Variants in CDK14 observed in about 807,000 individuals in gnomAD.
CDK14 encodes cyclin-dependent kinase 14.
In CDK14, 34 loss-of-function variants were observed where a neutral mutation model predicts 60.7. The ratio of observed to expected loss-of-function variants is 0.56; its 90% CI spans 0.43 to 0.75. CDK14 has a LOEUF of 0.75. CDK14 is among the 30% of genes least tolerant of loss of function. CDK14 has a pLI of 0.00. For synonymous variants in CDK14, 197 were observed against 203.7 expected, an observed-to-expected ratio of 0.97 and a Z score of 0.28; for missense variants, 482 against 564.1, an observed-to-expected ratio of 0.85 and a Z score of 1.47.
intron 2 of CDK14, among the ~76,000 whole-genome samples, chr7:90,703,097 T>G (rs1801824283): frequency 6.6e-6 from 1 of 152,096 alleles, no homozygotes; most frequent in South Asian, 2.1e-4. Context: ...TTAAGCAGTT[T>G]TTTGATAGTC....
intron 10 of CDK14, among the ~76,000 whole-genome samples, chr7:91,013,715 T>A (rs2115831191): frequency 6.7e-6 from 1 of 150,056 alleles, no homozygotes; most frequent in Non-Finnish European, 1.5e-5. Context: ...TACCTTAAGT[T>A]AAGAAAGAGT....
intron 9 of CDK14, among the ~76,000 whole-genome samples, chr7:90,971,889 A>T (rs1021946419): frequency 6.6e-6 from 1 of 152,254 alleles, no homozygotes; most frequent in East Asian, 1.9e-4. Flanking sequence ...TTTATTGCTG[A>T]TGTAGATCCT....
At chr7:90,721,119 C>G (rs1040412363) in intron 2 of CDK14, among the ~76,000 whole-genome samples, 1 of 152,164 alleles carries the variant, frequency 6.6e-6, no homozygotes, top group Non-Finnish European at 1.5e-5. Flanking sequence ...TGCCCTTTAG[C>G]CTGTTGCATT....
chr7:91,195,650 C>T (rs1246700994), intron 14 of CDK14, among the ~76,000 whole-genome samples: 1 of 152,178 alleles, frequency 6.6e-6, no homozygotes, highest in African/African-American at 2.4e-5. Flanking sequence ...TTGCAGCAGT[C>T]ATTTGAAGAA....
At chr7:90,618,895 T>C (rs1322859572) in intron 2 of CDK14, among the ~76,000 whole-genome samples, 1 of 152,206 alleles carries the variant, frequency 6.6e-6, no homozygotes, top group African/African-American at 2.4e-5. Flanking sequence ...ATTTGTGCCT[T>C]ATTGTGTCTT....
intron 11 of CDK14, among the ~76,000 whole-genome samples, chr7:91,071,827 G>A (rs1033960159): frequency 1.4e-4 from 21 of 152,230 alleles, no homozygotes; most frequent in African/African-American, 4.8e-4. Context: ...TTCCCCTGCT[G>A]AAGCCAGGGA....
chr7:90,943,462 T>C (rs1016125303), intron 8 of CDK14, among the ~76,000 whole-genome samples: 1 of 152,200 alleles, frequency 6.6e-6, no homozygotes, highest in Admixed American at 6.5e-5. Context: ...CTTGAGGTTT[T>C]ATTTATCTAA....
chr7:90,826,753 G>T (rs1789737020), intron 5 of CDK14, among the ~76,000 whole-genome samples: 1 of 152,048 alleles, frequency 6.6e-6, no homozygotes, highest in Non-Finnish European at 1.5e-5. Flanking sequence ...TGGAGAAATT[G>T]AGTGTAAAGT....
intron 14 of CDK14, among the ~76,000 whole-genome samples, chr7:91,183,943 A>G (rs2249712): frequency 1 from 152,281 of 152,320 alleles, 76,121 homozygotes; most frequent in Middle Eastern, 1. Context: ...ACCAGTAATC[A>G]CAGCACTTTG....
At chr7:90,760,054 T>G (rs1243496379) in intron 4 of CDK14, among the ~76,000 whole-genome samples, 1 of 152,206 alleles carries the variant, frequency 6.6e-6, no homozygotes. Context: ...TGATTGAAAG[T>G]GCCAATCTTC....
chr7:90,686,153 A>C (rs771977122), intron 2 of CDK14, among the ~76,000 whole-genome samples: 23 of 152,172 alleles, frequency 1.5e-4, no homozygotes, highest in Non-Finnish European at 2.1e-4. Flanking sequence ...AGATTAATAC[A>C]TAGTTCTCAA....
At chr7:91,144,744 G>T (rs970358653) in intron 14 of CDK14, among the ~76,000 whole-genome samples, 1 of 152,052 alleles carries the variant, frequency 6.6e-6, no homozygotes, top group African/African-American at 2.4e-5. Flanking sequence ...TCCAAAAAGG[G>T]GTAATCCACT....
chr7:90,780,563 T>G (rs1343395085), intron 4 of CDK14, among the ~76,000 whole-genome samples: 1 of 142,050 alleles, frequency 7.0e-6, no homozygotes, highest in Non-Finnish European at 1.5e-5. Flanking sequence ...CTCCTAAAGC[T>G]ATCCCTCCCC....
At chr7:90,850,630 C>T (rs1170965646) in intron 5 of CDK14, among the ~76,000 whole-genome samples, 1 of 152,086 alleles carries the variant, frequency 6.6e-6, no homozygotes, top group East Asian at 1.9e-4. Context: ...ACAATGTCTC[C>T]TAATTTTGAA....
intron 2 of CDK14, among the ~76,000 whole-genome samples, chr7:90,621,941 G>T (rs1349900350): frequency 6.6e-6 from 1 of 152,182 alleles, no homozygotes; most frequent in African/African-American, 2.4e-5. Flanking sequence ...TTAAGTAGCA[G>T]CTGGAGAGAC....
chr7:90,870,732 A>G (rs1369553707), intron 6 of CDK14, among the ~76,000 whole-genome samples: 2 of 152,196 alleles, frequency 1.3e-5, no homozygotes, highest in East Asian at 1.9e-4. Context: ...GAAATCATCA[A>G]GAATGGAGAT....
intron 4 of CDK14, among the ~76,000 whole-genome samples, chr7:90,787,458 A>G (rs1805642330): frequency 6.6e-6 from 1 of 152,230 alleles, no homozygotes. Flanking sequence ...AAGATGTTGA[A>G]AACTTTATAA....
chr7:91,034,098 G>A (rs758922477), intron 10 of CDK14, among the ~76,000 whole-genome samples: 40 of 152,158 alleles, frequency 2.6e-4, no homozygotes, highest in Non-Finnish European at 8.8e-5. Context: ...GCAGCCACCT[G>A]CTTGTTGTGT....
intron 6 of CDK14, among the ~76,000 whole-genome samples, chr7:90,888,794 A>G (rs528256322): frequency 1.4e-4 from 22 of 152,298 alleles, no homozygotes; most frequent in Non-Finnish European, 2.2e-4. Context: ...AGCATATTCA[A>G]TGATCACAGC....
Sources: allele counts gnomAD v4.1 joint callset (sites outside exome capture counted in the v4.1 genomes callset), GRCh38; gene constraint gnomAD v4.1.1; transcripts MANE v1.5; gene names NCBI Gene and HGNC (gene_info 2026-07-23, HGNC 2026-07-21).